Variants in ATP10D observed in about 807,000 individuals in gnomAD.
The protein encoded by ATP10D is phospholipid-transporting ATPase VD.
A neutral mutation model predicts 144.8 loss-of-function variants in ATP10D; 89 were observed. The ratio of observed to expected loss-of-function variants is 0.61; its 90% CI spans 0.52 to 0.73. The LOEUF is 0.73. Ranked by LOEUF, ATP10D falls within the 30% of genes least tolerant of loss-of-function variation. ATP10D has a pLI of 0.00. For synonymous variants in ATP10D, 571 were observed against 615.1 expected, an observed-to-expected ratio of 0.93 and a Z score of 1.06; for missense variants, 1,603 against 1,714.8, an observed-to-expected ratio of 0.93 and a Z score of 1.15.
intron 15 of ATP10D, among the ~76,000 whole-genome samples, chr4:47,564,352 T>C (rs1475600199): frequency 9.2e-5 from 14 of 151,632 alleles, no homozygotes; most frequent in Non-Finnish European, 1.9e-4. Context: ...TTATTTGCTT[T>C]CCCCCCTCCA....
intron 2 of ATP10D, among the ~76,000 whole-genome samples, chr4:47,513,400 T>C (rs542415316): frequency 3.9e-5 from 6 of 152,200 alleles, no homozygotes; most frequent in African/African-American, 1.2e-4. Flanking sequence ...ACACAATATA[T>C]ACATATATAA....
At chr4:47,574,882 C>A (rs1374483914) in intron 18 of ATP10D, among the ~76,000 whole-genome samples, 1 of 152,106 alleles carries the variant, frequency 6.6e-6, no homozygotes, top group Admixed American at 6.5e-5. Flanking sequence ...CTCACTGCAA[C>A]CTCTGCCTCC....
intron 9 of ATP10D, among the ~76,000 whole-genome samples, chr4:47,545,725 AACAG>A (rs1332833637): frequency 1.3e-5 from 2 of 152,334 alleles, no homozygotes; most frequent in South Asian, 2.1e-4. Context: ...ATATTGGCAA[AACAG>A]ACAGAATTCT....
intron 20 of ATP10D, among the ~76,000 whole-genome samples, 165 bp downstream of exon 20, chr4:47,580,643 A>T (rs1240058719): frequency 6.6e-6 from 1 of 152,216 alleles, no homozygotes; most frequent in East Asian, 1.9e-4. Flanking sequence ...TAGGTAATGG[A>T]TTAAATTTAG....
At chr4:47,486,820 A>G (rs1041185346) in intron 1 of ATP10D, among the ~76,000 whole-genome samples, 1 of 152,222 alleles carries the variant, frequency 6.6e-6, no homozygotes, top group Non-Finnish European at 1.5e-5. Flanking sequence ...TGCTAATTTA[A>G]CATTCATTAA....
intron 5 of ATP10D, among the ~76,000 whole-genome samples, chr4:47,530,543 A>C (rs535074021): frequency 2.0e-5 from 3 of 151,844 alleles, no homozygotes; most frequent in African/African-American, 7.3e-5. Flanking sequence ...TGCAACCTCC[A>C]CCTCCTGGTT....
At chr4:47,517,326 G>A (rs1337399682) in intron 3 of ATP10D, among the ~76,000 whole-genome samples, 1 of 152,150 alleles carries the variant, frequency 6.6e-6, no homozygotes, top group Non-Finnish European at 1.5e-5. Flanking sequence ...TGAGGTGGGA[G>A]GATCGCCTGA....
intron 1 of ATP10D, among the ~76,000 whole-genome samples, chr4:47,495,405 A>G (rs1197672215): frequency 6.6e-6 from 1 of 152,214 alleles, no homozygotes; most frequent in Non-Finnish European, 1.5e-5. Flanking sequence ...AGTTCTGTGT[A>G]TAGGCTTCAT....
At position 47,587,089 on chromosome 4, in the gene ATP10D, C is replaced by T. The variant is rs752294717; in HGVS notation, c.3824C>T (p.Ala1275Val). Residue 1275 changes from alanine to valine, a missense_variant, in exon 22 of 23, where the codon GCC (alanine) becomes GTC (valine). Transcript: ENST00000273859. Reference protein sequence around the residue: ...SYFLFAIVFGAMCVTCNPPSN... With the variant: ...SYFLFAIVFGVMCVTCNPPSN... Reference sequence around the variant, plus strand: ...TTTTTATTTGCCATAGTTTTTGGAGCCATGTGTGTAACTTGCAACCCACCA... The same window carrying T: ...TTTTTATTTGCCATAGTTTTTGGAGTCATGTGTGTAACTTGCAACCCACCA... 1.2e-6 allele frequency: 2 copies of T among 1,613,978 alleles called. No homozygotes were observed. The highest frequency in any genetic ancestry group is 1.1e-5 in the South Asian group (1 of 91,078).
chr4:47,504,944 G>A (rs11728248), intron 1 of ATP10D, among the ~76,000 whole-genome samples: 30,643 of 152,144 alleles, frequency 0.2, 3,239 homozygotes, highest in Middle Eastern at 0.23. Flanking sequence ...GAACTTTGAC[G>A]TTTTGTTTGT....
chr4:47,489,819 G>T (rs544662680), intron 1 of ATP10D, among the ~76,000 whole-genome samples: 2 of 152,182 alleles, frequency 1.3e-5, no homozygotes, highest in Admixed American at 6.6e-5. Context: ...ACAGATTTGA[G>T]CTTTACTTCC....
At position 47,583,799 on chromosome 4, in the gene ATP10D, T is replaced by TA. The variant is rs550247479; in HGVS notation, c.3753+1736dup. Among the ~76,000 whole-genome samples the TA allele has an allele frequency of 2.3e-3, 350 of 152,264 alleles. 2 individuals carry two copies. The highest frequency in any genetic ancestry group is 7.9e-3 in the African/African-American group (328 of 41,536). On this transcript the variant is annotated intron_variant, in intron 21 of 22. Coordinates refer to ENST00000273859, the MANE Select transcript of ATP10D (RefSeq NM_020453.4). The stretch of plus-strand genomic sequence containing the variant: ...TAAAAAATATAATGAAGAACCATGA[T>TA]AGAACAAAATAAAGAAAAGCAAAAA...
chr4:47,488,683 A>G (rs1714906863), intron 1 of ATP10D, among the ~76,000 whole-genome samples: 1 of 151,936 alleles, frequency 6.6e-6, no homozygotes, highest in African/African-American at 2.4e-5. Context: ...AAAAGATACT[A>G]TAAAAAGCAG....
rs1717049944 is a variant in ATP10D at position 47,523,147 on chromosome 4, T to C, written c.621T>C (p.Ile207=). ...CTGATCCAGATGGAATCTGTCACAT[T>C]GAGACTTCTGGTCTTGATGGAGAGA... is the stretch of plus-strand genomic sequence containing the variant. ...FSTDPDGICH[I]ETSGLDGESN... is the part of the protein sequence containing the mutation. The change falls in exon 4 of 23, where the codon ATT becomes ATC. Residue 207 remains isoleucine, a synonymous_variant. Coordinates refer to ENST00000273859, the MANE Select transcript of ATP10D (RefSeq NM_020453.4). 1 of 1,614,006 alleles carries C rather than the reference T, an allele frequency of 6.2e-7. No individual in the cohort carries two copies. Among genetic ancestry groups the C allele is most frequent in the Non-Finnish European group, 8.5e-7 (1 of 1,180,018 alleles).
At chr4:47,581,494 CA>C (rs1203743294) in intron 20 of ATP10D, among the ~76,000 whole-genome samples, 1 of 152,036 alleles carries the variant, frequency 6.6e-6, no homozygotes, top group African/African-American at 2.4e-5. Context: ...GAAATATAAA[CA>C]AGGCAATCTG....
intron 1 of ATP10D, among the ~76,000 whole-genome samples, chr4:47,504,848 A>G: frequency 6.6e-6 from 1 of 152,256 alleles, no homozygotes; most frequent in South Asian, 2.1e-4. Context: ...TCTTATTCTT[A>G]GAAATCCATA....
chr4:47,546,590 C>A, intron 9 of ATP10D, 34 bp from the exon 10 acceptor site: 1 of 1,585,964 alleles, frequency 6.3e-7, no homozygotes, highest in South Asian at 1.1e-5. Flanking sequence ...TGGCTCTTCT[C>A]AGACATTGAC....
intron 22 of ATP10D, among the ~76,000 whole-genome samples, chr4:47,590,168 G>T (rs1720966109): frequency 1.3e-5 from 2 of 152,230 alleles, no homozygotes; most frequent in South Asian, 4.1e-4. Context: ...ATGGAAAGCA[G>T]AATTTGTAAG....
intron 4 of ATP10D, among the ~76,000 whole-genome samples, chr4:47,524,433 G>T (rs1340164025): frequency 6.6e-6 from 1 of 152,160 alleles, no homozygotes; most frequent in Admixed American, 6.5e-5. Context: ...ACTTCTGTAA[G>T]TAGTCTGGTA....
Sources: allele counts gnomAD v4.1 joint callset (sites outside exome capture counted in the v4.1 genomes callset), GRCh38; gene constraint gnomAD v4.1.1; transcripts MANE v1.5; gene names NCBI Gene and HGNC (gene_info 2026-07-23, HGNC 2026-07-21).